The following SLC4A10 variants were observed in gnomAD, a reference collection of about 807,000 sequenced individuals.
SLC4A10 encodes solute carrier family 4 member 10, also known as sodium-driven chloride bicarbonate exchanger.
Under a neutral mutation model 137.7 loss-of-function variants are expected in SLC4A10, and 42 were observed. That is an observed-to-expected ratio of 0.30 (90% confidence interval 0.24 to 0.39). The LOEUF (loss-of-function observed/expected upper bound fraction) is 0.39. SLC4A10 is among the 10% of genes least tolerant of loss of function. The pLI is 1.00. For missense variants in SLC4A10, 925 were observed against 1,355.0 expected, an observed-to-expected ratio of 0.68 and a Z score of 4.98; for synonymous variants, 474 against 464.1, an observed-to-expected ratio of 1.02 and a Z score of -0.27.
intron 17 of SLC4A10, among the ~76,000 whole-genome samples, chr2:161,948,942 G>A (rs1194306933): frequency 6.6e-6 from 1 of 152,076 alleles, no homozygotes; most frequent in Non-Finnish European, 1.5e-5. Context: ...TGGAAAGGTT[G>A]AGTGTGTACC....
intron 1 of SLC4A10, among the ~76,000 whole-genome samples, chr2:161,631,962 T>C (rs1160138104): frequency 1.3e-5 from 2 of 151,762 alleles, no homozygotes; most frequent in Non-Finnish European, 3.0e-5. Context: ...TGCTCATTCA[T>C]CATGAAAATT....
intron 21 of SLC4A10, among the ~76,000 whole-genome samples, chr2:161,961,152 CAT>C (rs1427979115): frequency 6.6e-6 from 1 of 152,160 alleles, no homozygotes; most frequent in Non-Finnish European, 1.5e-5. Context: ...ATGTTCATAG[CAT>C]ATAAGAGAAT....
chr2:161,693,601 T>C (rs1341910559), intron 1 of SLC4A10, among the ~76,000 whole-genome samples: 6 of 151,214 alleles, frequency 4.0e-5, no homozygotes, highest in African/African-American at 1.5e-4. Flanking sequence ...TTGACCAACA[T>C]CTCCTCATTT....
chr2:161,873,439 G>A (rs1002793615), intron 7 of SLC4A10, among the ~76,000 whole-genome samples: 5 of 149,548 alleles, frequency 3.3e-5, no homozygotes, highest in Non-Finnish European at 5.9e-5. Context: ...GCTGAGGTGG[G>A]AGGATTGCTT....
At chr2:161,943,440 A>G (rs895888859) in intron 16 of SLC4A10, among the ~76,000 whole-genome samples, 3 of 152,024 alleles carry the variant, frequency 2.0e-5, no homozygotes, top group African/African-American at 7.2e-5. Flanking sequence ...GCATGGCAAC[A>G]TATTTTTCAC....
intron 1 of SLC4A10, among the ~76,000 whole-genome samples, chr2:161,644,547 T>G (rs2035766575): frequency 1.3e-5 from 2 of 152,208 alleles, no homozygotes; most frequent in Admixed American, 6.5e-5. Context: ...AGTCTTATAA[T>G]TTATTTTAAG....
intron 4 of SLC4A10, among the ~76,000 whole-genome samples, chr2:161,846,211 C>T (rs1276328621): frequency 1.3e-5 from 2 of 151,926 alleles, no homozygotes; most frequent in Non-Finnish European, 2.9e-5. Flanking sequence ...GCGAATAGCA[C>T]ATGGAAAAAT....
intron 1 of SLC4A10, among the ~76,000 whole-genome samples, chr2:161,728,535 C>T (rs60695169): frequency 0.019 from 2,831 of 152,080 alleles, 56 homozygotes; most frequent in African/African-American, 0.054. Context: ...AAATCGCGCC[C>T]TGTACTCCAG....
rs1694618371 is a variant in SLC4A10 at position 161,950,552 on chromosome 2, T to G, written c.2380-135T>G. On this transcript the variant is annotated intron_variant, in intron 18 of 26. Transcript: ENST00000446997. ...AATGGTTTTAAGTGATTTATGAGTA[T>G]TATTATTATTTATTATAGGCCACTC... The G allele has an allele frequency of 4.4e-6, 3 of 678,690 alleles. No individual in the cohort carries two copies. In the South Asian group the frequency reaches 6.4e-5, roughly 14 times the overall value. The allele number at this position is 678,690 out of a possible 1,614,324, so 42.0% of individuals were successfully genotyped here.
intron 1 of SLC4A10, among the ~76,000 whole-genome samples, chr2:161,753,902 ATTTT>A: frequency 6.8e-6 from 1 of 147,914 alleles, no homozygotes; most frequent in Non-Finnish European, 1.5e-5. Context: ...TTATTTATTT[ATTTT>A]TGGGACAGAG....
chr2:161,861,176 G>A (rs1227930), intron 5 of SLC4A10, among the ~76,000 whole-genome samples: 8,927 of 152,168 alleles, frequency 0.059, 424 homozygotes, highest in African/African-American at 0.14. Flanking sequence ...AGAGTGAAGC[G>A]CAGTTCTTGA....
At chr2:161,901,117 C>A in intron 12 of SLC4A10, 106 bp downstream of exon 12, 4 of 825,726 alleles carry the variant, frequency 4.8e-6, no homozygotes, top group South Asian at 3.0e-5. Flanking sequence ...ACTTTTAATA[C>A]CTGCTTTTTG....
intron 1 of SLC4A10, among the ~76,000 whole-genome samples, chr2:161,756,770 C>T (rs1654631705): frequency 6.6e-6 from 1 of 152,044 alleles, no homozygotes; most frequent in Non-Finnish European, 1.5e-5. Context: ...CAGCATGATA[C>T]TGTGAGTATT....
chr2:161,737,376 T>C (rs919435567), intron 1 of SLC4A10, among the ~76,000 whole-genome samples: 8 of 151,950 alleles, frequency 5.3e-5, no homozygotes, highest in Non-Finnish European at 8.8e-5. Flanking sequence ...TAGATAGCTT[T>C]GAAAAAGAAG....
intron 1 of SLC4A10, among the ~76,000 whole-genome samples, chr2:161,758,354 C>T (rs1230723240): frequency 6.6e-6 from 1 of 151,836 alleles, no homozygotes; most frequent in Non-Finnish European, 1.5e-5. Context: ...TGCTTGTTTT[C>T]ACTTATCATT....
intron 1 of SLC4A10, among the ~76,000 whole-genome samples, chr2:161,749,541 A>G (rs527423195): frequency 6.6e-6 from 1 of 152,040 alleles, no homozygotes; most frequent in East Asian, 1.9e-4. Context: ...TTATTCTGCT[A>G]ATGTGATATA....
At chr2:161,880,013 GAAA>G in intron 9 of SLC4A10, among the ~76,000 whole-genome samples, 1 of 151,920 alleles carries the variant, frequency 6.6e-6, no homozygotes, top group South Asian at 2.1e-4. Flanking sequence ...ATAAAAAAAA[GAAA>G]GGAAACACAG....
chr2:161,693,337 T>C (rs2042178760), intron 1 of SLC4A10, among the ~76,000 whole-genome samples: 2 of 152,000 alleles, frequency 1.3e-5, no homozygotes. Flanking sequence ...ACAAATCTTA[T>C]CCCAGCTTTC....
intron 1 of SLC4A10, among the ~76,000 whole-genome samples, chr2:161,690,329 G>A (rs774903774): frequency 2.0e-5 from 3 of 152,090 alleles, no homozygotes; most frequent in Non-Finnish European, 4.4e-5. Flanking sequence ...AAATAGGAAC[G>A]CTTTTACACT....
Sources: gnomAD v4.1 joint callset for allele counts (sites outside exome capture counted in the v4.1 genomes callset) on GRCh38, gnomAD v4.1.1 for gene constraint, MANE v1.5 for transcripts, NCBI Gene and HGNC (gene_info 2026-07-23, HGNC 2026-07-21) for gene names.